CNTN3: variants seen among roughly 807,000 people sequenced by gnomAD.
The protein encoded by CNTN3 is contactin-3.
A neutral mutation model predicts 119.1 loss-of-function variants in CNTN3; 60 were observed. The observed-to-expected ratio is 0.50, with a 90% confidence interval of 0.41 to 0.62. CNTN3 has a LOEUF of 0.62. Ranked by LOEUF, CNTN3 falls within the 20% of genes least tolerant of loss-of-function variation. The pLI, the probability that CNTN3 is intolerant of heterozygous loss-of-function variation, is 0.00. For missense variants in CNTN3, 1,101 were observed against 1,242.4 expected (o/e 0.89, Z 1.71); for synonymous variants, 450 against 438.7 (o/e 1.03, Z -0.32).
chr3:74,275,920 A>G (rs1701870294), intron 20 of CNTN3, among the ~76,000 whole-genome samples: 1 of 152,180 alleles, frequency 6.6e-6, no homozygotes, highest in Non-Finnish European at 1.5e-5. Context: ...AGGGACTCAC[A>G]TGAAAACTTA....
intron 2 of CNTN3, among the ~76,000 whole-genome samples, chr3:74,506,871 T>C (rs1308716888): frequency 6.6e-6 from 1 of 152,178 alleles, no homozygotes; most frequent in African/African-American, 2.4e-5. Context: ...TTAAAATATT[T>C]CTTTAACACA....
intron 1 of CNTN3, among the ~76,000 whole-genome samples, chr3:74,549,360 T>C (rs1051386264): frequency 6.6e-6 from 1 of 152,312 alleles, no homozygotes; most frequent in East Asian, 1.9e-4. Context: ...CACAGAACTG[T>C]GAGCCTATTA....
rs570587465 is a variant in CNTN3, at chr3:74,586,781, G to A, written c.-81+27610C>T. On this transcript the variant is annotated intron_variant, in intron 1 of 22. Coordinates refer to ENST00000263665, the MANE Select transcript of CNTN3 (RefSeq NM_020872.3). Reference sequence around the variant, plus strand: ...CTAATAACATAATAAATGAATGAATGATTAAAGCCATAACTCAAGCAGGAC... The same window carrying A: ...CTAATAACATAATAAATGAATGAATAATTAAAGCCATAACTCAAGCAGGAC... Among the ~76,000 whole-genome samples the A allele has an allele frequency of 2.6e-5, 4 of 152,126 alleles. No individual in the cohort carries two copies. The South Asian group carries it at 8.3e-4, about 32-fold the overall frequency.
chr3:74,480,757 A>T (rs1409460330), intron 4 of CNTN3, among the ~76,000 whole-genome samples: 1 of 152,016 alleles, frequency 6.6e-6, no homozygotes, highest in Non-Finnish European at 1.5e-5. Context: ...CAGCAAAAAT[A>T]TTCAGCAAAA....
chr3:74,403,136 A>C (rs1426096388), intron 5 of CNTN3, among the ~76,000 whole-genome samples: 2 of 152,142 alleles, frequency 1.3e-5, no homozygotes, highest in East Asian at 1.9e-4. Flanking sequence ...TTGAATTTAC[A>C]TCTTAAAGCC....
intron 1 of CNTN3, among the ~76,000 whole-genome samples, chr3:74,594,409 C>G (rs1000975280): frequency 1.3e-5 from 2 of 151,230 alleles, no homozygotes; most frequent in Non-Finnish European, 2.9e-5. Context: ...CATCATTTAG[C>G]ATTAGGTATA....
At chr3:74,359,815 T>TTTTTGAA (rs1704040062) in intron 11 of CNTN3, among the ~76,000 whole-genome samples, 6 of 146,738 alleles carry the variant, frequency 4.1e-5, no homozygotes, top group African/African-American at 1.6e-4. Flanking sequence ...CTCTATTTAA[T>TTTTTGAA]TCATGTATAT....
intron 11 of CNTN3, among the ~76,000 whole-genome samples, chr3:74,343,474 G>A (rs1475164050): frequency 6.6e-6 from 1 of 152,206 alleles, no homozygotes; most frequent in East Asian, 1.9e-4. Flanking sequence ...CCCTGGAATG[G>A]AAGTCATTCC....
At chr3:74,434,639 T>A (rs1486635934) in intron 4 of CNTN3, among the ~76,000 whole-genome samples, 1 of 152,212 alleles carries the variant, frequency 6.6e-6, no homozygotes, top group African/African-American at 2.4e-5. Context: ...GCATATTACT[T>A]CATTTGTTGA....
chr3:74,482,353 G>A (rs939991241), intron 4 of CNTN3, among the ~76,000 whole-genome samples: 23 of 151,588 alleles, frequency 1.5e-4, no homozygotes, highest in African/African-American at 3.6e-4. Context: ...AAAGAAAGAC[G>A]GCATCACTAT....
In CNTN3 at chr3:74,540,437, C is replaced by G. The variant is rs182722842; in HGVS notation, c.-80-19245G>C. On this transcript the variant is annotated intron_variant, in intron 1 of 22. Transcript: ENST00000263665. ...TTAGAATATGTCTTCTTTGTTTTTT[C>G]TTTATGTATATCCTGTTCCTCCAAG... is the stretch of plus-strand genomic sequence containing the variant. Among the ~76,000 whole-genome samples, 429 of 151,952 alleles carry G rather than the reference C, an allele frequency of 2.8e-3. 5 individuals carry two copies. The highest frequency in any genetic ancestry group is 0.01 in the African/African-American group (421 of 41,442).
At chr3:74,347,320 C>CA (rs1239711116) in intron 11 of CNTN3, among the ~76,000 whole-genome samples, 3 of 151,828 alleles carry the variant, frequency 2.0e-5, no homozygotes, top group African/African-American at 7.3e-5. Flanking sequence ...CAGCTCACTG[C>CA]AACCTCCAAT....
At chr3:74,298,902 AAAAAG>A (rs756420646) in intron 17 of CNTN3, among the ~76,000 whole-genome samples, 39,395 of 140,402 alleles carry the variant, frequency 0.28, 6,096 homozygotes, top group East Asian at 0.71. Flanking sequence ...AAAAAAAAAA[AAAAAG>A]GGAAGTAAAT....
chr3:74,410,561 G>C (rs1019583504), intron 5 of CNTN3, among the ~76,000 whole-genome samples: 1 of 152,124 alleles, frequency 6.6e-6, no homozygotes, highest in Non-Finnish European at 1.5e-5. Context: ...GATTGAAAAA[G>C]ATTGCTTTAA....
intron 20 of CNTN3, among the ~76,000 whole-genome samples, chr3:74,283,165 G>A (rs557347125): frequency 4.1e-4 from 62 of 152,196 alleles, no homozygotes; most frequent in African/African-American, 1.5e-3. Context: ...TGAAAGAGAG[G>A]ATACCATAGT....
intron 2 of CNTN3, among the ~76,000 whole-genome samples, chr3:74,500,472 T>A (rs9809455): frequency 0.87 from 129,949 of 150,112 alleles, 56,905 homozygotes; most frequent in Non-Finnish European, 0.94. Flanking sequence ...TTGTATAATC[T>A]TTGCCATAGC....
chr3:74,336,937 G>A (rs1259972911), intron 11 of CNTN3, among the ~76,000 whole-genome samples: 2 of 152,068 alleles, frequency 1.3e-5, no homozygotes, highest in African/African-American at 4.8e-5. Flanking sequence ...AAAGTTGAGA[G>A]GATGCACTTA....
intron 1 of CNTN3, among the ~76,000 whole-genome samples, chr3:74,569,554 A>C (rs1408585510): frequency 6.6e-6 from 1 of 152,256 alleles, no homozygotes; most frequent in African/African-American, 2.4e-5. Context: ...GTGAAAATGA[A>C]GAGAGATACA....
intron 4 of CNTN3, among the ~76,000 whole-genome samples, chr3:74,475,881 G>T (rs923195404): frequency 1.3e-5 from 2 of 152,138 alleles, no homozygotes; most frequent in Non-Finnish European, 2.9e-5. Context: ...TGACCAAAGT[G>T]ACATTCTGCC....
Sources: allele counts gnomAD v4.1 joint callset (sites outside exome capture counted in the v4.1 genomes callset), GRCh38; gene constraint gnomAD v4.1.1; transcripts MANE v1.5; gene names NCBI Gene and HGNC (gene_info 2026-07-23, HGNC 2026-07-21).